The following USP13 variants were observed in gnomAD, a reference collection of about 807,000 sequenced individuals.
The protein encoded by USP13 is ubiquitin specific peptidase 13.
USP13 carries 68 observed loss-of-function variants against 107.8 expected under a neutral mutation model. That is an observed-to-expected ratio of 0.63 (90% CI 0.52 to 0.77). The LOEUF is 0.77. Ranked by LOEUF, USP13 falls within the 30% of genes least tolerant of loss-of-function variation. The pLI is 0.00. For missense variants in USP13, 945 were observed against 1,093.3 expected (o/e 0.86, Z 1.91); for synonymous variants, 377 against 389.5 (o/e 0.97, Z 0.38).
intron 19 of USP13, among the ~76,000 whole-genome samples, chr3:179,766,498 A>G (rs1715180019): frequency 6.6e-6 from 1 of 152,188 alleles, no homozygotes; most frequent in South Asian, 2.1e-4. Flanking sequence ...TTTGAGTAGT[A>G]GCAAAGTGGT....
chr3:179,774,087 A>C (rs892606305), intron 19 of USP13, among the ~76,000 whole-genome samples: 2 of 152,222 alleles, frequency 1.3e-5, no homozygotes, highest in Non-Finnish European at 2.9e-5. Context: ...AGGCCTTAGG[A>C]AGCTTTCAGT....
chr3:179,707,844 TGTG>T (rs369292880), intron 5 of USP13, among the ~76,000 whole-genome samples: 17 of 152,328 alleles, frequency 1.1e-4, no homozygotes, highest in African/African-American at 4.1e-4. Flanking sequence ...TCACCTTCTG[TGTG>T]GTCTTTGGAA....
chr3:179,784,152 T>C lies in USP13; in HGVS notation c.*11T>C, dbSNP rs201230992. On this transcript the variant is annotated 3_prime_UTR_variant, in exon 21 of 21. Transcript: ENST00000263966. ...AGGATACCAAGCTAAACCTCAAATA[T>C]AAAAATTGGCGAAAAGAAGCCATAC... 3.9e-5 allele frequency: 62 copies of C among 1,570,132 alleles called. No homozygotes were observed. The African/African-American group carries it at 6.9e-4, about 18-fold the overall frequency.
At chr3:179,713,681 T>A (rs1713006590) in intron 6 of USP13, among the ~76,000 whole-genome samples, 2 of 152,160 alleles carry the variant, frequency 1.3e-5, no homozygotes, top group African/African-American at 4.8e-5. Flanking sequence ...TGCCAGTAAG[T>A]AGGATGTTTA....
intron 13 of USP13, among the ~76,000 whole-genome samples, chr3:179,747,949 A>C (rs1465324786): frequency 6.6e-6 from 1 of 152,164 alleles, no homozygotes; most frequent in African/African-American, 2.4e-5. Context: ...TTTTATATAC[A>C]TGAGAAGAAT....
chr3:179,719,251 G>A (rs1713218423), intron 6 of USP13, among the ~76,000 whole-genome samples: 1 of 152,098 alleles, frequency 6.6e-6, no homozygotes, highest in Admixed American at 6.5e-5. Context: ...AGGGCTGGCT[G>A]GAGTCTTGAG....
chr3:179,770,354 A>G (rs756207120), intron 19 of USP13, among the ~76,000 whole-genome samples: 4 of 152,186 alleles, frequency 2.6e-5, no homozygotes, highest in Admixed American at 6.5e-5. Context: ...TAGTTTAGTT[A>G]TATCTCGAAA....
At chr3:179,680,704 G>A (rs1309836920) in intron 1 of USP13, among the ~76,000 whole-genome samples, 4 of 151,928 alleles carry the variant, frequency 2.6e-5, no homozygotes, top group African/African-American at 7.3e-5. Flanking sequence ...CACCACGCCC[G>A]GCTAATTTTT....
chr3:179,666,661 C>T (rs141432740), intron 1 of USP13, among the ~76,000 whole-genome samples: 1 of 152,208 alleles, frequency 6.6e-6, no homozygotes, highest in African/African-American at 2.4e-5. Context: ...GAAAGCTTGG[C>T]AGGGTGCCTG....
At chr3:179,674,590 C>T (rs534984779) in intron 1 of USP13, among the ~76,000 whole-genome samples, 1 of 151,754 alleles carries the variant, frequency 6.6e-6, no homozygotes, top group South Asian at 2.1e-4. Context: ...ATTATAGATA[C>T]TGCATGTGTG....
At chr3:179,756,504 G>T (rs1714806719) in intron 15 of USP13, among the ~76,000 whole-genome samples, 1 of 152,224 alleles carries the variant, frequency 6.6e-6, no homozygotes, top group African/African-American at 2.4e-5. Flanking sequence ...AGCCCTTTGG[G>T]AGGCTGAGGT....
chr3:179,725,528 G>T (rs1713482281), intron 8 of USP13, among the ~76,000 whole-genome samples: 1 of 152,190 alleles, frequency 6.6e-6, no homozygotes, highest in Non-Finnish European at 1.5e-5. Context: ...TACAACTTCT[G>T]AGTCTGTGGA....
At chr3:179,779,719 T>TAAAAAAA (rs113797839) in intron 19 of USP13, among the ~76,000 whole-genome samples, 1 of 103,846 alleles carries the variant, frequency 9.6e-6, no homozygotes, top group African/African-American at 3.4e-5. Flanking sequence ...AAGGGTTTGT[T>TAAAAAAA]AAAAAAAAAA....
At chr3:179,716,162 G>C (rs1379002942) in intron 6 of USP13, among the ~76,000 whole-genome samples, 3 of 152,084 alleles carry the variant, frequency 2.0e-5, no homozygotes, top group Non-Finnish European at 2.9e-5. Context: ...GACCTCAGGT[G>C]ATCCACCTGC....
At chr3:179,770,922 A>G (rs536431077) in intron 19 of USP13, among the ~76,000 whole-genome samples, 5 of 152,320 alleles carry the variant, frequency 3.3e-5, no homozygotes, top group South Asian at 2.1e-4. Flanking sequence ...ATTGAATACA[A>G]TTAAAGAGTA....
intron 18 of USP13, 46 bp from the exon 19 acceptor site, chr3:179,765,649 G>T: frequency 6.2e-7 from 1 of 1,602,356 alleles, no homozygotes; most frequent in Non-Finnish European, 8.5e-7. Context: ...AGTGAGGCCT[G>T]AGGCTGCATG....
chr3:179,716,294 G>A (rs1713111972), intron 6 of USP13, among the ~76,000 whole-genome samples: 1 of 152,154 alleles, frequency 6.6e-6, no homozygotes, highest in African/African-American at 2.4e-5. Flanking sequence ...TTTCCTGTAG[G>A]GGAATCTGGA....
chr3:179,660,026 G>C (rs971508828), intron 1 of USP13, among the ~76,000 whole-genome samples: 2 of 152,242 alleles, frequency 1.3e-5, no homozygotes, highest in African/African-American at 4.8e-5. Context: ...CTGGGCGACA[G>C]AGCGAGACTC....
At chr3:179,735,969 G>A (rs1235168666) in intron 10 of USP13, among the ~76,000 whole-genome samples, 2 of 152,150 alleles carry the variant, frequency 1.3e-5, no homozygotes, top group Non-Finnish European at 2.9e-5. Context: ...GTGCCCAAGG[G>A]TTTGAGGATG....
Sources: allele counts gnomAD v4.1 joint callset (sites outside exome capture counted in the v4.1 genomes callset), GRCh38; gene constraint gnomAD v4.1.1; transcripts MANE v1.5; gene names NCBI Gene and HGNC (gene_info 2026-07-23, HGNC 2026-07-21).